Variants in COG7 observed in about 807,000 individuals in gnomAD.
The protein encoded by COG7 is conserved oligomeric Golgi complex subunit 7.
In COG7, 49 loss-of-function variants were observed where a neutral mutation model predicts 91.5. The ratio of observed to expected loss-of-function variants is 0.54; its 90% CI spans 0.43 to 0.68. COG7 has a LOEUF of 0.68. Among genes scored for constraint, COG7 ranks in the 30% least tolerant of loss-of-function variants. The probability of loss-of-function intolerance (pLI) is 0.00; values close to 1 mark genes in which losing one functional copy is unlikely to be tolerated. For synonymous variants in COG7, 365 were observed against 388.7 expected (o/e 0.94, Z 0.72); for missense variants, 895 against 961.3 (o/e 0.93, Z 0.91).
intron 12 of COG7, 133 bp downstream of exon 12, chr16:23,405,943 A>T: frequency 8.7e-6 from 7 of 802,452 alleles, no homozygotes; most frequent in Non-Finnish European, 1.3e-5. Flanking sequence ...CATAAATGAG[A>T]CAGAGAGGTA....
chr16:23,449,666 G>A (rs1424787046), intron 1 of COG7, among the ~76,000 whole-genome samples: 3 of 149,872 alleles, frequency 2.0e-5, no homozygotes, highest in Non-Finnish European at 4.4e-5. Context: ...GCTTGAACCC[G>A]AGAGGCGGAG....
At position 23,445,923 on chromosome 16, in the gene COG7, G is replaced by C; in HGVS notation, c.208C>G (p.Leu70Val). The change falls in exon 2 of 17, where the codon CTC (leucine) becomes GTC (valine). Residue 70 changes from leucine to valine, a missense_variant. Leu to Val is a conservative substitution (Grantham distance 32, BLOSUM62 1). Transcript: ENST00000307149. The stretch of plus-strand genomic sequence containing the variant: ...TGTTTTAGGGCTTCAACATCACGGA[G>C]CACTTTGGGCATGTTCTGGAGAGCT... ...HQALQNMPKV[L>V]RDVEALKQEA... 1.2e-6 allele frequency: 2 copies of C among 1,612,542 alleles called. No individual in the cohort carries two copies. Among genetic ancestry groups the C allele is most frequent in the South Asian group, 2.2e-5 (2 of 91,036 alleles).
intron 1 of COG7, 21 bp downstream of exon 1, chr16:23,452,805 C>T (rs765722140): frequency 4.8e-5 from 77 of 1,603,664 alleles, no homozygotes; most frequent in Non-Finnish European, 6.0e-5. Context: ...GGTCCCGCGG[C>T]CAGGGCCCCG....
At chr16:23,419,152 T>C (rs1049321514) in intron 7 of COG7, among the ~76,000 whole-genome samples, 41 of 152,160 alleles carry the variant, frequency 2.7e-4, no homozygotes, top group Admixed American at 2.6e-3. Context: ...ACGCCTGTAA[T>C]CCCAACACTT....
At chr16:23,396,089 T>C (rs1044345236) in intron 14 of COG7, among the ~76,000 whole-genome samples, 7 of 152,228 alleles carry the variant, frequency 4.6e-5, no homozygotes, top group African/African-American at 1.7e-4. Flanking sequence ...CTGCCACACC[T>C]GTCTCATGGA....
intron 16 of COG7, among the ~76,000 whole-genome samples, chr16:23,391,639 C>T (rs546723768): frequency 6.6e-6 from 1 of 152,364 alleles, no homozygotes; most frequent in East Asian, 1.9e-4. Context: ...GGGAGCTGAT[C>T]TTTCAGGCTT....
At chr16:23,441,819 A>T (rs1964106103) in intron 4 of COG7, 1 of 152,584 alleles carries the variant, frequency 6.6e-6, no homozygotes, top group Non-Finnish European at 1.5e-5. Flanking sequence ...TACTTATCAG[A>T]ATATAGAGGG....
intron 7 of COG7, among the ~76,000 whole-genome samples, chr16:23,419,514 G>T (rs953905643): frequency 6.6e-6 from 1 of 150,426 alleles, no homozygotes; most frequent in Non-Finnish European, 1.5e-5. Flanking sequence ...TTTGGGAAGC[G>T]GAGGTGGGCG....
Position 23,403,698 on chromosome 16 carries a change from A to G in COG7, c.1799T>C (p.Met600Thr). The G allele has an allele frequency of 1.2e-6, 2 of 1,614,044 alleles. No homozygotes were observed. The highest frequency in any genetic ancestry group is 2.7e-5 in the African/African-American group (2 of 75,046). Residue 600 changes from methionine (M) to threonine (T), a missense_variant, in exon 13 of 17, where the codon ATG becomes ACG. By Grantham distance (81) the Met-to-Thr change is moderately conservative. Transcript: ENST00000307149. ...TGTGGTCAGTGAGAAACTCACGTCC[A>G]TCTTCGAAATAAGCAACAGCTGTTG... ...IKQQLLLISK[M>T]DSWNTAGIGE...
chr16:23,406,665 G>A (rs1172180911), intron 11 of COG7, among the ~76,000 whole-genome samples: 4 of 152,290 alleles, frequency 2.6e-5, no homozygotes, highest in South Asian at 2.1e-4. Flanking sequence ...CAGAGAGACC[G>A]CTGGGCAGGA....
intron 6 of COG7, among the ~76,000 whole-genome samples, chr16:23,430,430 GAA>G (rs971094690): frequency 6.6e-5 from 5 of 75,694 alleles, no homozygotes; most frequent in African/African-American, 2.6e-4. Context: ...CCCTGTTTCA[GAA>G]AAAAAAAAAA....
Position 23,439,828 on chromosome 16 carries a change from A to C in COG7, c.604+2649T>G, listed in dbSNP as rs187879207. ...CTTAATGCCACTGAAATGCACACTTAAAAATTATTAAAATGGTAGATTTTG... is the reference window on the plus strand; with the variant it reads ...CTTAATGCCACTGAAATGCACACTTCAAAATTATTAAAATGGTAGATTTTG... On this transcript the variant is annotated intron_variant, in intron 4 of 16. Transcript: ENST00000307149. Among the ~76,000 whole-genome samples, 9 of 152,330 alleles carry C rather than the reference A, an allele frequency of 5.9e-5. No individual in the cohort carries two copies. The East Asian group carries it at 1.5e-3, about 26-fold the overall frequency.
intron 3 of COG7, among the ~76,000 whole-genome samples, chr16:23,443,921 G>A (rs556704510): frequency 2.6e-5 from 4 of 152,124 alleles, no homozygotes; most frequent in South Asian, 2.1e-4. Flanking sequence ...GGAGGCCGAG[G>A]AGGGCAGATC....
chr16:23,417,117 T>C lies in COG7; in HGVS notation c.1142A>G (p.His381Arg), dbSNP rs138636705. 1 of 1,614,226 alleles carries C rather than the reference T, an allele frequency of 6.2e-7. No individual in the cohort carries two copies. The highest frequency in any genetic ancestry group is 8.5e-7 in the Non-Finnish European group (1 of 1,180,032). ...LIQMSAVPLE[H>R]GEVIDCVQEL... Reference sequence around the variant, plus strand: ...CTGCACACAGTCAATCACTTCCCCATGCTCCTGGTCAGCAAATACAGACAA... The same window carrying C: ...CTGCACACAGTCAATCACTTCCCCACGCTCCTGGTCAGCAAATACAGACAA... The change falls in exon 9 of 17, where the codon CAT becomes CGT. Residue 381 changes from histidine to arginine, a missense_variant. His to Arg is a conservative substitution (Grantham distance 29). Coordinates refer to ENST00000307149, the MANE Select transcript of COG7 (RefSeq NM_153603.4).
chr16:23,417,250 C>T (rs777277533), intron 8 of COG7, 129 bp from the exon 9 acceptor site: 20 of 930,438 alleles, frequency 2.1e-5, no homozygotes, highest in East Asian at 5.2e-5. Flanking sequence ...ATAGTCCCAA[C>T]GTTTGAATGC....
At chr16:23,422,467 T>C (rs908601885) in intron 7 of COG7, among the ~76,000 whole-genome samples, 1 of 149,104 alleles carries the variant, frequency 6.7e-6, no homozygotes, top group Non-Finnish European at 1.5e-5. Context: ...GTATATATTA[T>C]ATAACATATA....
chr16:23,453,003 T>G lies in COG7; in HGVS notation c.-9A>C. ...AACTTGGAGAAGTCCATGGCGGAAC[T>G]GCCTCAGGCCTGGCGTCCAGAACTT... On this transcript the variant is annotated 5_prime_UTR_variant, in exon 1 of 17. Coordinates refer to ENST00000307149, the MANE Select transcript of COG7 (RefSeq NM_153603.4). 6.2e-7 allele frequency: 1 copy of G among 1,614,034 alleles called. No homozygotes were observed. The highest frequency in any genetic ancestry group is 1.7e-5 in the Admixed American group (1 of 60,018).
intron 13 of COG7, 76 bp from the exon 14 acceptor site, chr16:23,398,205 A>G: frequency 8.4e-7 from 1 of 1,191,004 alleles, no homozygotes; most frequent in South Asian, 1.2e-5. Flanking sequence ...GAAATACACA[A>G]GAAGAACATG....
chr16:23,438,252 T>C (rs1428883737), intron 4 of COG7, among the ~76,000 whole-genome samples: 1 of 151,524 alleles, frequency 6.6e-6, no homozygotes, highest in Non-Finnish European at 1.5e-5. Context: ...AAAAACCAAA[T>C]AACCCAATAT....
Sources: gnomAD v4.1 joint callset for allele counts (sites outside exome capture counted in the v4.1 genomes callset) on GRCh38, gnomAD v4.1.1 for gene constraint, MANE v1.5 for transcripts, NCBI Gene and HGNC (gene_info 2026-07-23, HGNC 2026-07-21) for gene names.